DISC1: variants seen among roughly 807,000 people sequenced by gnomAD.
DISC1 encodes the protein disrupted in schizophrenia 1 protein.
DISC1 carries 57 observed loss-of-function variants against 84.5 expected under a neutral mutation model. The observed-to-expected ratio is 0.67, with a 90% CI of 0.55 to 0.84. The LOEUF (loss-of-function observed/expected upper bound fraction) is 0.84, where lower values mean the gene tolerates loss of function less well. Ranked by LOEUF, DISC1 falls within the 40% of genes least tolerant of loss-of-function variation. The probability of loss-of-function intolerance (pLI) is 0.00; values close to 1 mark genes in which losing one functional copy is unlikely to be tolerated. For missense variants in DISC1, 1,000 were observed against 1,057.8 expected, an observed-to-expected ratio of 0.95 and a Z score of 0.76; for synonymous variants, 411 against 415.2, an observed-to-expected ratio of 0.99 and a Z score of 0.12.
chr1:231,644,767 T>G (rs1205827773), intron 1 of DISC1, among the ~76,000 whole-genome samples: 1 of 152,108 alleles, frequency 6.6e-6, no homozygotes, highest in Non-Finnish European at 1.5e-5. Flanking sequence ...CTTTGTTCTC[T>G]TCTAGTTCTT....
chr1:231,856,370 A>G (rs928748050), intron 9 of DISC1, among the ~76,000 whole-genome samples: 1 of 152,048 alleles, frequency 6.6e-6, no homozygotes, highest in African/African-American at 2.4e-5. Flanking sequence ...CGGGGTGCCC[A>G]TTAAAATGCA....
At chr1:231,721,893 C>G (rs1384618659) in intron 3 of DISC1, among the ~76,000 whole-genome samples, 2 of 152,152 alleles carry the variant, frequency 1.3e-5, no homozygotes, top group Admixed American at 6.5e-5. Flanking sequence ...GTGGCTCACG[C>G]CTGGAATCCC....
chr1:231,841,567 CAG>C (rs1363141285), intron 9 of DISC1, among the ~76,000 whole-genome samples: 2 of 152,220 alleles, frequency 1.3e-5, no homozygotes, highest in Non-Finnish European at 2.9e-5. Flanking sequence ...TGCTTAGTAT[CAG>C]AGAGGGAGTT....
chr1:231,762,215 C>CTTCTT (rs71179792), intron 4 of DISC1, among the ~76,000 whole-genome samples: 1,095 of 80,268 alleles, frequency 0.014, 26 homozygotes, highest in African/African-American at 0.048. Flanking sequence ...TTTCTTTTCT[C>CTTCTT]TTCTTTTCTT....
chr1:231,695,758 G>C (rs1396821590), intron 2 of DISC1, among the ~76,000 whole-genome samples: 1 of 152,074 alleles, frequency 6.6e-6, no homozygotes, highest in African/African-American at 2.4e-5. Flanking sequence ...TAGGGAAGTG[G>C]AGCACCCACT....
chr1:231,906,731 C>CA lies in DISC1; in HGVS notation c.1982-52096dup, dbSNP rs201125995. On this transcript the variant is annotated intron_variant, in intron 9 of 12. Transcript: ENST00000439617. ...CTTATTGCTCCACCGTGCTTTTTGG[C>CA]AGACATTGTGACCATGTTTAGTAAT... Among the ~76,000 whole-genome samples the CA allele has an allele frequency of 5.4e-3, 823 of 152,004 alleles. 7 individuals are homozygous for CA. Among genetic ancestry groups the CA allele is most frequent in the African/African-American group, 0.018 (757 of 41,458 alleles).
intron 3 of DISC1, among the ~76,000 whole-genome samples, chr1:231,729,982 CA>C (rs1289948691): frequency 6.6e-6 from 1 of 152,038 alleles, no homozygotes; most frequent in Non-Finnish European, 1.5e-5. Flanking sequence ...GAATGAGCTG[CA>C]AAATATTCTA....
intron 4 of DISC1, among the ~76,000 whole-genome samples, chr1:231,752,252 C>T (rs1481938858): frequency 1.3e-5 from 2 of 152,144 alleles, no homozygotes; most frequent in Non-Finnish European, 1.5e-5. Context: ...AGTTAATTGT[C>T]TCATGGTTCT....
intron 9 of DISC1, 46 bp downstream of exon 9, chr1:231,818,563 G>A (rs571789580): frequency 3.1e-6 from 5 of 1,610,540 alleles, no homozygotes; most frequent in East Asian, 4.5e-5. Flanking sequence ...GATGATATTT[G>A]TTGTGTTTTG....
At chr1:231,845,044 A>G (rs1427232858) in intron 9 of DISC1, among the ~76,000 whole-genome samples, 1 of 152,210 alleles carries the variant, frequency 6.6e-6, no homozygotes, top group East Asian at 1.9e-4. Context: ...TGAAGCCTCC[A>G]GGTGGCAGGC....
chr1:231,790,451 G>A (rs1300106859), intron 6 of DISC1, among the ~76,000 whole-genome samples: 1 of 151,986 alleles, frequency 6.6e-6, no homozygotes, highest in Non-Finnish European at 1.5e-5. Context: ...GCAGACAGCT[G>A]TCTTCTCTTT....
At chr1:231,760,243 T>A (rs184405055) in intron 4 of DISC1, among the ~76,000 whole-genome samples, 2 of 152,354 alleles carry the variant, frequency 1.3e-5, no homozygotes, top group Admixed American at 1.3e-4. Flanking sequence ...CATTCTTTTG[T>A]GCTCTCAGAA....
intron 1 of DISC1, among the ~76,000 whole-genome samples, chr1:231,681,532 G>A (rs1005451638): frequency 1.3e-5 from 2 of 152,026 alleles, no homozygotes; most frequent in Non-Finnish European, 2.9e-5. Context: ...CCTCCCTGGT[G>A]GTCAGGTCCA....
chr1:231,798,740 G>A (rs1461993626), intron 7 of DISC1, among the ~76,000 whole-genome samples: 1 of 152,058 alleles, frequency 6.6e-6, no homozygotes, highest in Non-Finnish European at 1.5e-5. Flanking sequence ...GCATGCTTTG[G>A]TTTAGAGGCT....
chr1:232,004,358 A>G (rs951595495), intron 10 of DISC1, among the ~76,000 whole-genome samples: 5 of 152,112 alleles, frequency 3.3e-5, no homozygotes, highest in African/African-American at 1.2e-4. Context: ...CAGAAAAAGA[A>G]TAAGTAAAAC....
intron 11 of DISC1, among the ~76,000 whole-genome samples, chr1:232,015,372 CTT>C (rs1668389531): frequency 6.6e-6 from 1 of 152,128 alleles, no homozygotes; most frequent in South Asian, 2.1e-4. Context: ...TTGGAAATTC[CTT>C]GTCATTCACT....
chr1:231,834,566 C>T (rs11122346), intron 9 of DISC1, among the ~76,000 whole-genome samples: 47,805 of 151,866 alleles, frequency 0.31, 7,635 homozygotes, highest in East Asian at 0.39. Context: ...GTCGAGTTTG[C>T]ATTGGGGTCA....
chr1:231,922,280 A>G (rs530611800), intron 9 of DISC1, among the ~76,000 whole-genome samples: 2 of 152,330 alleles, frequency 1.3e-5, no homozygotes, highest in Admixed American at 6.5e-5. Flanking sequence ...CTTGTCTTAG[A>G]TGTCGAGCTG....
At chr1:231,670,938 C>G (rs2062560006) in intron 1 of DISC1, among the ~76,000 whole-genome samples, 1 of 152,200 alleles carries the variant, frequency 6.6e-6, no homozygotes, top group African/African-American at 2.4e-5. Context: ...ATAATGTCTG[C>G]CAACCTGGCT....
Sources: gnomAD v4.1 joint callset for allele counts (sites outside exome capture counted in the v4.1 genomes callset) on GRCh38, gnomAD v4.1.1 for gene constraint, MANE v1.5 for transcripts, NCBI Gene and HGNC (gene_info 2026-07-23, HGNC 2026-07-21) for gene names.